The following PCDH15 variants were observed in gnomAD, a reference collection of about 807,000 sequenced individuals.
The protein encoded by PCDH15 is protocadherin related 15.
Under a neutral mutation model 178.5 loss-of-function variants are expected in PCDH15, and 129 were observed. The ratio of observed to expected loss-of-function variants is 0.72; its 90% CI spans 0.63 to 0.84. The LOEUF is 0.84. PCDH15 is among the 40% of genes least tolerant of loss of function. The pLI is 0.00. For missense variants in PCDH15, 2,230 were observed against 2,099.9 expected (o/e 1.06, Z -1.21); for synonymous variants, 800 against 732.0 (o/e 1.09, Z -1.50).
chr10:55,485,267 A>G (rs1468174235), intron 2 of PCDH15, among the ~76,000 whole-genome samples: 1 of 151,704 alleles, frequency 6.6e-6, no homozygotes, highest in Non-Finnish European at 1.5e-5. Context: ...CAATTAGCCA[A>G]TAAGTGTCAC....
At chr10:55,490,498 G>T (rs1041113890) in intron 2 of PCDH15, among the ~76,000 whole-genome samples, 1 of 151,734 alleles carries the variant, frequency 6.6e-6, no homozygotes, top group Non-Finnish European at 1.5e-5. Flanking sequence ...GTATCCACTA[G>T]CCAGTAAAGT....
At chr10:55,351,014 C>G in intron 2 of PCDH15, among the ~76,000 whole-genome samples, 1 of 99,126 alleles carries the variant, frequency 1.0e-5, no homozygotes, top group Non-Finnish European at 2.0e-5. Context: ...CCCCCTCCCT[C>G]TCTCCCTGCT....
At chr10:55,231,907 T>C (rs1841237454) in intron 1 of PCDH15, among the ~76,000 whole-genome samples, 3 of 152,042 alleles carry the variant, frequency 2.0e-5, no homozygotes, top group Non-Finnish European at 2.9e-5. Context: ...AAATAATTTC[T>C]ATAATAAGAT....
At chr10:54,944,810 G>A (rs970941190) in intron 2 of PCDH15, among the ~76,000 whole-genome samples, 1 of 151,766 alleles carries the variant, frequency 6.6e-6, no homozygotes, top group Non-Finnish European at 1.5e-5. Context: ...TAGACTGAGT[G>A]GTGAAACCTT....
chr10:55,151,044 C>G, intron 2 of PCDH15, among the ~76,000 whole-genome samples: 1 of 151,952 alleles, frequency 6.6e-6, no homozygotes. Context: ...TGAGTAAAGC[C>G]AAGTATTTGC....
chr10:54,027,456 G>A (rs1413042195), intron 18 of PCDH15, among the ~76,000 whole-genome samples: 1 of 152,052 alleles, frequency 6.6e-6, no homozygotes, highest in African/African-American at 2.4e-5. Context: ...AGTTCATATG[G>A]AACCAAAATA....
intron 32 of PCDH15, chr10:53,822,114 C>G (rs780756192): frequency 6.2e-7 from 1 of 1,613,488 alleles, no homozygotes; most frequent in Non-Finnish European, 8.5e-7. Flanking sequence ...GTCTGTTTTA[C>G]ACACTGTCGT....
At chr10:54,200,670 TTGACC>T (rs1260852457) in intron 10 of PCDH15, among the ~76,000 whole-genome samples, 2 of 152,182 alleles carry the variant, frequency 1.3e-5, no homozygotes, top group African/African-American at 4.8e-5. Flanking sequence ...CTTATCTTAC[TTGACC>T]TATCTTCAGC....
At chr10:55,373,982 T>A (rs927908731) in intron 2 of PCDH15, among the ~76,000 whole-genome samples, 49 of 151,494 alleles carry the variant, frequency 3.2e-4, no homozygotes, top group Middle Eastern at 3.4e-3. Context: ...AGGAGAAATA[T>A]CTAATGTAGA....
intron 3 of PCDH15, among the ~76,000 whole-genome samples, chr10:54,498,056 C>T (rs1017447413): frequency 6.6e-6 from 1 of 151,842 alleles, no homozygotes; most frequent in African/African-American, 2.4e-5. Context: ...GGAAGCTATA[C>T]AGAGGGGAAG....
chr10:54,380,723 T>TGCTCC (rs1565132230), intron 3 of PCDH15, among the ~76,000 whole-genome samples: 7 of 108,100 alleles, frequency 6.5e-5, no homozygotes, highest in African/African-American at 2.5e-4. Context: ...TATATATATA[T>TGCTCC]ATATATATAT....
At position 55,400,076 on chromosome 10, in the gene PCDH15, A is replaced by G. The variant is rs16907352; in HGVS notation, c.-156+227549T>C. Among the ~76,000 whole-genome samples the G allele has an allele frequency of 7.9e-3, 1,203 of 152,220 alleles. 14 individuals are homozygous for G. Among genetic ancestry groups the G allele is most frequent in the African/African-American group, 0.026 (1,081 of 41,538 alleles). On this transcript the variant is annotated intron_variant, in intron 2 of 5. Coordinates refer to the PCDH15 transcript ENST00000613346. ...CTATGTGTTCAATCTTTAAAACTTC[A>G]GCAAATATTTCTGATTTTCTTGTTA... is the stretch of plus-strand genomic sequence containing the variant.
At chr10:55,538,933 TCCTTCCTTCCTCCCTTCCTTC>T (rs1841687746) in intron 2 of PCDH15, among the ~76,000 whole-genome samples, 1 of 72,038 alleles carries the variant, frequency 1.4e-5, no homozygotes, top group African/African-American at 6.1e-5. Context: ...CTTCCTCCTT[TCCTTCCTTCCTCCCTTCCTTC>T]CTTTCCTTCC....
At chr10:54,585,546 A>G in intron 2 of PCDH15, 1 of 234,248 alleles carries the variant, frequency 4.3e-6, no homozygotes, top group Non-Finnish European at 9.1e-6. Flanking sequence ...TCATAGCTGT[A>G]GGCTAACCAA....
chr10:54,893,588 T>C (rs1355061957), intron 3 of PCDH15, among the ~76,000 whole-genome samples: 1 of 152,038 alleles, frequency 6.6e-6, no homozygotes, highest in Non-Finnish European at 1.5e-5. Context: ...TGAGAAAGCA[T>C]ATAAATATTG....
At position 54,924,493 on chromosome 10, in the gene PCDH15, G is replaced by C. The variant is rs1355661466; in HGVS notation, c.-79-26993C>G. On this transcript the variant is annotated intron_variant, in intron 2 of 5. Transcript: ENST00000458638. ...GATTGCTGGGTTGAATAGTAGTTCT[G>C]TTATTAGGTCTTTGAGGAATAACCA... 1.4e-5 allele frequency among the ~76,000 whole-genome samples: 2 copies of C among 138,384 alleles called. 1 individual carries two copies. The highest frequency in any genetic ancestry group is 3.4e-5 in the Non-Finnish European group (2 of 59,450). The allele number at this position is 138,384 out of a possible 152,430, so 90.8% of individuals were successfully genotyped here.
At chr10:54,166,692 C>A (rs984150501) in intron 13 of PCDH15, among the ~76,000 whole-genome samples, 1 of 152,158 alleles carries the variant, frequency 6.6e-6, no homozygotes, top group South Asian at 2.1e-4. Context: ...GCCTCTGAGC[C>A]CAAGCCAAGC....
intron 2 of PCDH15, among the ~76,000 whole-genome samples, chr10:55,607,979 A>C (rs1589180303): frequency 6.6e-6 from 1 of 152,104 alleles, no homozygotes; most frequent in African/African-American, 2.4e-5. Context: ...TTTATACTTT[A>C]TAATTTGAGT....
At chr10:54,237,000 G>C in intron 8 of PCDH15, 69 bp from the exon 9 acceptor site, 1 of 1,325,524 alleles carries the variant, frequency 7.5e-7, no homozygotes, top group Non-Finnish European at 1.1e-6. Flanking sequence ...TGAGACAGAT[G>C]CTTTAGTTTG....
Sources: gnomAD v4.1 joint callset for allele counts (sites outside exome capture counted in the v4.1 genomes callset) on GRCh38, gnomAD v4.1.1 for gene constraint, MANE v1.5 for transcripts, NCBI Gene and HGNC (gene_info 2026-07-23, HGNC 2026-07-21) for gene names.